CSMD1: variants seen among roughly 807,000 people sequenced by gnomAD.
CSMD1 encodes CUB and sushi domain-containing protein 1.
A neutral mutation model predicts 417.5 loss-of-function variants in CSMD1; 213 were observed. The ratio of observed to expected loss-of-function variants is 0.51; its 90% CI spans 0.46 to 0.57. The LOEUF (loss-of-function observed/expected upper bound fraction) is 0.57. Among genes scored for constraint, CSMD1 ranks in the 20% least tolerant of loss-of-function variants. The pLI is 0.00. For synonymous variants in CSMD1, 2,862 were observed against 1,736.8 expected (o/e 1.65, Z -16.11); for missense variants, 6,923 against 4,529.7 (o/e 1.53, Z -15.17).
intron 5 of CSMD1, among the ~76,000 whole-genome samples, chr8:3,852,425 C>T (rs1803978237): frequency 6.6e-6 from 1 of 152,122 alleles, no homozygotes; most frequent in Non-Finnish European, 1.5e-5. Flanking sequence ...CCCTGTGCTG[C>T]TGGTCAAGAC....
intron 8 of CSMD1, among the ~76,000 whole-genome samples, chr8:3,599,093 A>C (rs1332485566): frequency 1.3e-5 from 2 of 151,722 alleles, no homozygotes; most frequent in Non-Finnish European, 2.9e-5. Flanking sequence ...AAAAGAAAAG[A>C]AAAGCTGACA....
At chr8:3,831,243 T>C (rs928770438) in intron 5 of CSMD1, among the ~76,000 whole-genome samples, 3 of 152,200 alleles carry the variant, frequency 2.0e-5, no homozygotes, top group Admixed American at 2.0e-4. Context: ...AACAAAGTTT[T>C]GAGAGAATAC....
Position 3,396,392 on chromosome 8 carries a change from A to G in CSMD1, c.2406-11T>C, listed in dbSNP as rs776696937. The G allele has an allele frequency of 6.5e-7, 1 of 1,541,380 alleles. No homozygotes were observed. Among genetic ancestry groups the G allele is most frequent in the African/African-American group, 1.4e-5 (1 of 73,156 alleles). On this transcript the variant is annotated splice_polypyrimidine_tract_variant and intron_variant, in intron 16 of 69. Coordinates refer to ENST00000635120, the MANE Select transcript of CSMD1 (RefSeq NM_033225.6). The stretch of plus-strand genomic sequence containing the variant: ...ACCTCTGTCTGAAATCTGCAAATAT[A>G]TACATCCCATCAGAAAAGACATGCA...
chr8:4,739,014 A>G (rs1482571845), intron 1 of CSMD1, among the ~76,000 whole-genome samples: 1 of 152,110 alleles, frequency 6.6e-6, no homozygotes, highest in East Asian at 1.9e-4. Context: ...TGCTAAAACA[A>G]GTTAAAAGTT....
At position 3,449,861 on chromosome 8, in the gene CSMD1, G is replaced by C. The variant is rs183351679; in HGVS notation, c.1561+18851C>G. ...CATATAAATTCATGTAAAGTTTTAA[G>C]CCTCACGTTGTAAAGTTTCTAATTA... is the stretch of plus-strand genomic sequence containing the variant. On this transcript the variant is annotated intron_variant, in intron 12 of 69. Coordinates refer to ENST00000635120, the MANE Select transcript of CSMD1 (RefSeq NM_033225.6). 1.1e-4 allele frequency among the ~76,000 whole-genome samples: 17 copies of C among 152,250 alleles called. No individual in the cohort carries two copies. The East Asian group carries it at 2.3e-3, about 21-fold the overall frequency.
intron 6 of CSMD1, among the ~76,000 whole-genome samples, chr8:3,740,144 C>A (rs1440788610): frequency 2.0e-5 from 3 of 152,008 alleles, no homozygotes; most frequent in Non-Finnish European, 4.4e-5. Context: ...TCACTCTTGT[C>A]CTCCAGGCTG....
At chr8:3,138,666 C>T (rs1447752528) in intron 41 of CSMD1, among the ~76,000 whole-genome samples, 1 of 152,186 alleles carries the variant, frequency 6.6e-6, no homozygotes, top group Non-Finnish European at 1.5e-5. Flanking sequence ...AGATGGAAAG[C>T]ATTGCAGGCT....
At chr8:3,213,486 G>A (rs1797726006) in intron 30 of CSMD1, among the ~76,000 whole-genome samples, 1 of 152,126 alleles carries the variant, frequency 6.6e-6, no homozygotes, top group African/African-American at 2.4e-5. Flanking sequence ...CCACAGGGCA[G>A]CTGCTGTCTG....
intron 5 of CSMD1, among the ~76,000 whole-genome samples, chr8:3,954,041 T>C (rs944160805): frequency 1.3e-5 from 2 of 152,242 alleles, no homozygotes; most frequent in African/African-American, 2.4e-5. Context: ...GCGGGGCACA[T>C]GCTTGGGAGC....
chr8:3,504,687 T>A (rs773446316), intron 10 of CSMD1, among the ~76,000 whole-genome samples: 1 of 152,218 alleles, frequency 6.6e-6, no homozygotes, highest in Non-Finnish European at 1.5e-5. Context: ...ATCTTTTGAA[T>A]TCCCGGCAAA....
intron 3 of CSMD1, among the ~76,000 whole-genome samples, chr8:4,098,405 ATTTT>A (rs34000388): frequency 0.22 from 33,066 of 151,682 alleles, 4,394 homozygotes; most frequent in African/African-American, 0.37. Flanking sequence ...TGGATTTGTC[ATTTT>A]TTTCAGGGTC....
intron 3 of CSMD1, among the ~76,000 whole-genome samples, chr8:4,302,236 A>G (rs937054002): frequency 6.6e-6 from 1 of 152,226 alleles, no homozygotes; most frequent in African/African-American, 2.4e-5. Flanking sequence ...GCCCAAAAGA[A>G]AAATGTAGTG....
chr8:3,813,600 A>G (rs1801206797), intron 5 of CSMD1, among the ~76,000 whole-genome samples: 1 of 152,210 alleles, frequency 6.6e-6, no homozygotes, highest in Admixed American at 6.5e-5. Flanking sequence ...TATTTTAAAA[A>G]GAAATTCTTC....
chr8:3,807,970 T>C (rs1465076472), intron 5 of CSMD1, among the ~76,000 whole-genome samples: 1 of 152,204 alleles, frequency 6.6e-6, no homozygotes, highest in Non-Finnish European at 1.5e-5. Flanking sequence ...AAACAAGACA[T>C]GCAGCCCTAT....
At chr8:4,158,447 G>A (rs527981901) in intron 3 of CSMD1, among the ~76,000 whole-genome samples, 17 of 151,944 alleles carry the variant, frequency 1.1e-4, no homozygotes, top group African/African-American at 1.2e-4. Flanking sequence ...AAAAATCAAA[G>A]AAACAGTAAT....
chr8:3,042,335 A>C (rs1436130172), intron 50 of CSMD1, among the ~76,000 whole-genome samples: 3 of 152,110 alleles, frequency 2.0e-5, no homozygotes, highest in African/African-American at 7.2e-5. Context: ...TATTTCTTCC[A>C]AGCAGGTAGC....
At position 4,020,459 on chromosome 8, in the gene CSMD1, T is replaced by G. The variant is rs541017012; in HGVS notation, c.610+11446A>C. On this transcript the variant is annotated intron_variant, in intron 4 of 69. Transcript: ENST00000635120. ...CTCTATTGATATTATAGGATAGGGC[T>G]TGGTTATGTGACCGCTAGGGTCAGG... Among the ~76,000 whole-genome samples, 3 of 152,204 alleles carry G rather than the reference T, an allele frequency of 2.0e-5. No homozygotes were observed. The South Asian group carries it at 6.2e-4, about 31-fold the overall frequency.
chr8:4,083,284 C>T (rs926123417), intron 3 of CSMD1, among the ~76,000 whole-genome samples: 9 of 152,238 alleles, frequency 5.9e-5, no homozygotes, highest in Non-Finnish European at 8.8e-5. Context: ...CTGTCGTTTC[C>T]TGACTTTTTA....
chr8:4,003,441 G>T (rs183115521), intron 4 of CSMD1, among the ~76,000 whole-genome samples: 2 of 122,986 alleles, frequency 1.6e-5, no homozygotes, highest in Non-Finnish European at 3.6e-5. Context: ...TAAATAAATA[G>T]ATAAGTAAAT....
Sources: gnomAD v4.1 joint callset for allele counts (sites outside exome capture counted in the v4.1 genomes callset) on GRCh38, gnomAD v4.1.1 for gene constraint, MANE v1.5 for transcripts, NCBI Gene and HGNC (gene_info 2026-07-23, HGNC 2026-07-21) for gene names.